SUDS3: variants seen among roughly 807,000 people sequenced by gnomAD.
SUDS3 encodes sin3 histone deacetylase corepressor complex component SDS3.
A neutral mutation model predicts 53.5 loss-of-function variants in SUDS3; 23 were observed. That is an observed-to-expected ratio of 0.43 (90% CI 0.31 to 0.61). The LOEUF (loss-of-function observed/expected upper bound fraction) is 0.61. SUDS3 is among the 20% of genes least tolerant of loss of function. SUDS3 has a pLI of 0.10. For synonymous variants in SUDS3, 150 were observed against 148.5 expected, an observed-to-expected ratio of 1.01 and a Z score of -0.08; for missense variants, 291 against 405.9, an observed-to-expected ratio of 0.72 and a Z score of 2.43.
chr12:118,381,743 CCTT>C (rs1566195884), intron 2 of SUDS3, among the ~76,000 whole-genome samples: 1 of 150,178 alleles, frequency 6.7e-6, no homozygotes, highest in Non-Finnish European at 1.5e-5. Flanking sequence ...CTCACCCAAA[CCTT>C]CTCATTGTCT....
At chr12:118,413,762 A>T (rs2046377905) in intron 11 of SUDS3, among the ~76,000 whole-genome samples, 1 of 152,184 alleles carries the variant, frequency 6.6e-6, no homozygotes, top group Non-Finnish European at 1.5e-5. Flanking sequence ...GGATATGGTG[A>T]GGAGGGAAGG....
chr12:118,399,207 T>A (rs1018882682), intron 6 of SUDS3, among the ~76,000 whole-genome samples: 1 of 152,068 alleles, frequency 6.6e-6, no homozygotes, highest in Non-Finnish European at 1.5e-5. Context: ...CATTGAAATA[T>A]TTAGTAAGAA....
intron 10 of SUDS3, among the ~76,000 whole-genome samples, chr12:118,405,402 G>A (rs1191691184): frequency 2.0e-5 from 3 of 151,970 alleles, no homozygotes; most frequent in African/African-American, 7.3e-5. Context: ...TAAAATTCTT[G>A]TTTTTTTAAA....
intron 4 of SUDS3, among the ~76,000 whole-genome samples, chr12:118,387,360 T>A (rs981051667): frequency 4.6e-5 from 7 of 152,196 alleles, no homozygotes; most frequent in African/African-American, 1.7e-4. Flanking sequence ...TCTGATCCTT[T>A]AAGCAGAATA....
intron 6 of SUDS3, among the ~76,000 whole-genome samples, chr12:118,398,805 C>T (rs2046239111): frequency 6.6e-6 from 1 of 151,920 alleles, no homozygotes; most frequent in African/African-American, 2.4e-5. Context: ...CATTATGCAC[C>T]CCTACTGTGC....
At chr12:118,402,102 T>C (rs562532435) in intron 9 of SUDS3, 98 bp downstream of exon 9, 16 of 1,403,288 alleles carry the variant, frequency 1.1e-5, no homozygotes, top group Non-Finnish European at 1.5e-5. Flanking sequence ...TTTTCAAAAA[T>C]GAAATGTTCA....
Position 118,404,673 on chromosome 12 carries a change from G to A in SUDS3, c.803+1156G>A, listed in dbSNP as rs149414550. ...TAGTCTATTCATTCTAAGGCATAGT[G>A]GACATACGGTTTGCTTTGCCTTTCT... On this transcript the variant is annotated intron_variant, in intron 10 of 11. Transcript: ENST00000543473. Among the ~76,000 whole-genome samples, 26 of 152,202 alleles carry A rather than the reference G, an allele frequency of 1.7e-4. No homozygotes were observed. In the East Asian group the frequency reaches 5.0e-3, roughly 29 times the overall value.
chr12:118,402,178 C>CTT (rs200388274), intron 9 of SUDS3, 174 bp downstream of exon 9: 4 of 602,692 alleles, frequency 6.6e-6, no homozygotes, highest in African/African-American at 5.6e-5. Context: ...TCCCTGATTT[C>CTT]TTTTTTTTTC....
intron 6 of SUDS3, among the ~76,000 whole-genome samples, chr12:118,396,521 C>T (rs527622652): frequency 6.6e-6 from 1 of 152,366 alleles, no homozygotes; most frequent in African/African-American, 2.4e-5. Flanking sequence ...CCCCAAAGTG[C>T]TGGCATTACA....
At chr12:118,383,425 C>T (rs2046085763) in intron 2 of SUDS3, among the ~76,000 whole-genome samples, 1 of 152,238 alleles carries the variant, frequency 6.6e-6, no homozygotes, top group African/African-American at 2.4e-5. Flanking sequence ...GCTTTTGCTT[C>T]GTGTGTGCTG....
chr12:118,392,883 A>G (rs1037550650), intron 6 of SUDS3, among the ~76,000 whole-genome samples: 3 of 152,358 alleles, frequency 2.0e-5, no homozygotes, highest in South Asian at 2.1e-4. Flanking sequence ...TTGTTTGGCC[A>G]GGCAGTTTTA....
Position 118,389,943 on chromosome 12 carries a change from G to A in SUDS3, c.357G>A (p.Leu119=). ...CTCTTGCAGAACTCTTCCTCCAGCT[G>A]GAAGTAAGTACCACGGATCTTCTGG... is the stretch of plus-strand genomic sequence containing the variant. ...RIRNAELFLQ[L]ETEQVERNYI... Residue 119 remains leucine (L), a synonymous_variant, in exon 5 of 12, where the codon CTG becomes CTA. Coordinates refer to ENST00000543473, the MANE Select transcript of SUDS3 (RefSeq NM_022491.3). 6.2e-7 allele frequency: 1 copy of A among 1,614,054 alleles called. No homozygotes were observed. Among genetic ancestry groups the A allele is most frequent in the Middle Eastern group, 1.6e-4 (1 of 6,062 alleles).
intron 2 of SUDS3, among the ~76,000 whole-genome samples, chr12:118,381,514 C>T (rs1409457181): frequency 6.6e-6 from 1 of 152,120 alleles, no homozygotes; most frequent in South Asian, 2.1e-4. Context: ...TCCCGAGTAG[C>T]AAGGACTACA....
chr12:118,412,835 C>T (rs2046370547), intron 11 of SUDS3, among the ~76,000 whole-genome samples: 1 of 152,186 alleles, frequency 6.6e-6, no homozygotes. Flanking sequence ...AATGGTGACA[C>T]TGAAACACGT....
At position 118,383,989 on chromosome 12, in the gene SUDS3, G is replaced by A. The variant is rs767406856; in HGVS notation, c.213-23G>A. The A allele has an allele frequency of 4.4e-6, 7 of 1,585,808 alleles. No homozygotes were observed. In the South Asian group the frequency reaches 6.8e-5, roughly 15 times the overall value. On this transcript the variant is annotated intron_variant, in intron 2 of 11. Transcript: ENST00000543473. ...GAGTATTGAATGTTTTTATCTGTTA[G>A]TGTGACTTTTTTTTTTTTATAGGAT...
intron 4 of SUDS3, 114 bp downstream of exon 4, chr12:118,386,299 C>T (rs1039857231): frequency 4.8e-6 from 4 of 829,968 alleles, no homozygotes; most frequent in Non-Finnish European, 7.6e-6. Context: ...GATACTCTGT[C>T]AGGGAGAGTT....
At chr12:118,398,821 T>C (rs1051852845) in intron 6 of SUDS3, among the ~76,000 whole-genome samples, 1 of 152,152 alleles carries the variant, frequency 6.6e-6, no homozygotes, top group African/African-American at 2.4e-5. Context: ...TGTGCCAGAC[T>C]ATTGCTAGGT....
At chr12:118,410,649 T>G (rs944324955) in intron 10 of SUDS3, among the ~76,000 whole-genome samples, 1 of 151,822 alleles carries the variant, frequency 6.6e-6, no homozygotes, top group Non-Finnish European at 1.5e-5. Context: ...CAGGCTGGAG[T>G]GCAGTGGCGC....
chr12:118,396,980 G>T (rs979418949), intron 6 of SUDS3, among the ~76,000 whole-genome samples: 2 of 152,116 alleles, frequency 1.3e-5, no homozygotes, highest in African/African-American at 4.8e-5. Context: ...ATATTGCAGG[G>T]TGGTTTGGAG....
Sources: allele counts gnomAD v4.1 joint callset (sites outside exome capture counted in the v4.1 genomes callset), GRCh38; gene constraint gnomAD v4.1.1; transcripts MANE v1.5; gene names NCBI Gene and HGNC (gene_info 2026-07-23, HGNC 2026-07-21).